The following ZNF729 variants were observed in gnomAD, a reference collection of about 807,000 sequenced individuals.
The protein encoded by ZNF729 is zinc finger protein 729.
A neutral mutation model predicts 12.2 loss-of-function variants in ZNF729; 15 were observed. That is an observed-to-expected ratio of 1.23 (90% CI 0.82 to 1.89). The LOEUF (loss-of-function observed/expected upper bound fraction) is 1.89. Among genes scored for constraint, ZNF729 ranks in the 40% most tolerant of loss-of-function variants. The probability of loss-of-function intolerance (pLI) is 0.00; values close to 1 mark genes in which losing one functional copy is unlikely to be tolerated. For synonymous variants in ZNF729, 492 were observed against 476.3 expected, an observed-to-expected ratio of 1.03 and a Z score of -0.43; for missense variants, 1,540 against 1,456.7, an observed-to-expected ratio of 1.06 and a Z score of -0.93.
intron 1 of ZNF729, among the ~76,000 whole-genome samples, chr19:22,293,964 A>G (rs1485888769): frequency 2.6e-5 from 4 of 152,160 alleles, no homozygotes; most frequent in African/African-American, 9.7e-5. Context: ...TGAAGAAGAT[A>G]TTTAGTTTAA....
Position 22,316,995 on chromosome 19 carries a change from G to A in ZNF729, c.3578G>A (p.Cys1193Tyr). ...GAGAAACCCTACAAATGTGAAGAATGTGGCAAAGCTTTTATTCAGTGCTCA... is the reference window on the plus strand; with the variant it reads ...GAGAAACCCTACAAATGTGAAGAATATGGCAAAGCTTTTATTCAGTGCTCA... ...TGEKPYKCEE[C>Y]GKAFIQCSYL... Residue 1193 changes from cysteine (C) to tyrosine (Y), a missense_variant, in exon 4 of 4, where the codon TGT becomes TAT. Transcript: ENST00000601693. The A allele has an allele frequency of 6.2e-7, 1 of 1,612,562 alleles. No homozygotes were observed. Among genetic ancestry groups the A allele is most frequent in the Non-Finnish European group, 8.5e-7 (1 of 1,179,988 alleles).
In ZNF729 at chr19:22,286,505, A is replaced by T; in HGVS notation, c.-21A>T. On this transcript the variant is annotated 5_prime_UTR_variant, in exon 1 of 4. Transcript: ENST00000601693. ...CCTCTGTGGCCCTGTAACCTGCGGC[A>T]TTGGAAGATCCACAGCTAACATGCC... 1.2e-6 allele frequency: 2 copies of T among 1,612,806 alleles called. No homozygotes were observed. The highest frequency in any genetic ancestry group is 8.5e-7 in the Non-Finnish European group (1 of 1,179,832).
At chr19:22,303,536 C>T (rs545263203) in intron 1 of ZNF729, among the ~76,000 whole-genome samples, 4 of 151,466 alleles carry the variant, frequency 2.6e-5, no homozygotes, top group African/African-American at 9.7e-5. Context: ...GGTATCTTAT[C>T]TACACTGGTG....
chr19:22,306,779 AT>A (rs1318155164), intron 3 of ZNF729, among the ~76,000 whole-genome samples: 1 of 151,300 alleles, frequency 6.6e-6, no homozygotes, highest in Admixed American at 6.6e-5. Context: ...ATTTATGCAG[AT>A]TTACATTTTG....
intron 1 of ZNF729, 26 bp downstream of exon 1, chr19:22,286,581 G>C (rs781176863): frequency 6.2e-7 from 1 of 1,613,930 alleles, no homozygotes. Flanking sequence ...CCGACATCCC[G>C]AGAAGGGGAA....
Position 22,314,859 on chromosome 19 carries a change from T to G in ZNF729, c.1442T>G (p.Ile481Ser). The G allele has an allele frequency of 6.2e-7, 1 of 1,613,406 alleles. No individual in the cohort carries two copies. Among genetic ancestry groups the G allele is most frequent in the Non-Finnish European group, 8.5e-7 (1 of 1,179,818 alleles). The change falls in exon 4 of 4, where the codon ATT becomes AGT. Residue 481 changes from isoleucine (I) to serine (S), a missense_variant. By Grantham distance (142) the Ile-to-Ser change is moderately radical. Transcript: ENST00000601693. ...QSSHLTRHKA[I>S]HTGEKPYKCE... ...TCACACCTTACTAGACATAAAGCAA[T>G]TCATACTGGAGAGAAACCCTACAAA...
intron 1 of ZNF729, among the ~76,000 whole-genome samples, chr19:22,302,353 A>G (rs1286691288): frequency 6.6e-6 from 1 of 152,312 alleles, no homozygotes; most frequent in African/African-American, 2.4e-5. Context: ...ACGTCATCAT[A>G]TCATTGGTAC....
Position 22,316,687 on chromosome 19 carries a change from C to T in ZNF729, c.3270C>T (p.Ala1090=). Residue 1090 remains alanine (A), a synonymous_variant, in exon 4 of 4, where the codon GCC becomes GCT. Coordinates refer to ENST00000601693, the MANE Select transcript of ZNF729 (RefSeq NM_001242680.2). ...ECDKAFKHFS[A]LRKHKVIHTG... ...ACAAAGCTTTTAAGCATTTCTCAGC[C>T]CTTAGAAAACATAAGGTAATTCATA... 1 of 1,612,452 alleles carries T rather than the reference C, an allele frequency of 6.2e-7. No individual in the cohort carries two copies. Among genetic ancestry groups the T allele is most frequent in the Non-Finnish European group, 8.5e-7 (1 of 1,179,756 alleles).
rs910054024 is a variant in ZNF729 at position 22,306,942 on chromosome 19, TTTC to T, written c.253+2162_253+2164del. Among the ~76,000 whole-genome samples, 40 of 151,542 alleles carry T rather than the reference TTTC, an allele frequency of 2.6e-4. 1 individual carries two copies. Among genetic ancestry groups the T allele is most frequent in the African/African-American group, 9.0e-4 (37 of 41,120 alleles). ...TCAACATGAAAGACTCATTTTAGCA[TTTC>T]TTTTTTTATATGTGTCTGTATATTT... is the stretch of plus-strand genomic sequence containing the variant. On this transcript the variant is annotated intron_variant, in intron 3 of 3. Coordinates refer to ENST00000601693, the MANE Select transcript of ZNF729 (RefSeq NM_001242680.2).
intron 1 of ZNF729, among the ~76,000 whole-genome samples, chr19:22,287,082 A>T (rs1028937046): frequency 5.3e-5 from 8 of 152,166 alleles, no homozygotes; most frequent in African/African-American, 1.9e-4. Context: ...TAAGGTGCAC[A>T]ATGAAGAAAA....
chr19:22,314,577 G>C lies in ZNF729; in HGVS notation c.1160G>C (p.Trp387Ser), dbSNP rs771169314. 10 of 1,601,656 alleles carry C rather than the reference G, an allele frequency of 6.2e-6. No individual in the cohort carries two copies. The Admixed American group carries it at 1.7e-4, about 27-fold the overall frequency. ...KCEECGKAFKWSSKLTVHKVV... is the reference protein window; with the variant it reads ...KCEECGKAFKSSSKLTVHKVV... ...GAAGAATGTGGTAAAGCTTTTAAGTGGTCTTCAAAACTTACTGTACATAAG... is the reference window on the plus strand; with the variant it reads ...GAAGAATGTGGTAAAGCTTTTAAGTCGTCTTCAAAACTTACTGTACATAAG... Residue 387 changes from tryptophan (W) to serine (S), a missense_variant, in exon 4 of 4, where the codon TGG becomes TCG. By Grantham distance (177) the Trp-to-Ser change is radical (BLOSUM62 -3). Coordinates refer to ENST00000601693, the MANE Select transcript of ZNF729 (RefSeq NM_001242680.2).
chr19:22,304,529 C>T (rs1968355555), intron 2 of ZNF729, among the ~76,000 whole-genome samples, 159 bp from the exon 3 acceptor site: 1 of 151,922 alleles, frequency 6.6e-6, no homozygotes, highest in Non-Finnish European at 1.5e-5. Flanking sequence ...AATTAAGGGC[C>T]TGTACAAATT....
At chr19:22,306,326 C>G (rs1968376614) in intron 3 of ZNF729, among the ~76,000 whole-genome samples, 1 of 151,510 alleles carries the variant, frequency 6.6e-6, no homozygotes, top group Middle Eastern at 3.2e-3. Context: ...GTAGCCCCAG[C>G]TACTCAGGAG....
chr19:22,313,792 T>C lies in ZNF729; in HGVS notation c.375T>C (p.Asp125=). 1 of 1,598,234 alleles carries C rather than the reference T, an allele frequency of 6.3e-7. No homozygotes were observed. Among genetic ancestry groups the C allele is most frequent in the Non-Finnish European group, 8.5e-7 (1 of 1,173,458 alleles). The change falls in exon 4 of 4, where the codon GAT becomes GAC. Residue 125 remains aspartate (D), a synonymous_variant. Transcript: ENST00000601693. ...CGHKNLRLRK[D]CKSANEGKMH... ...ATAAGAATTTACGATTAAGAAAAGA[T>C]TGTAAAAGTGCCAATGAGGGTAAGA...
At chr19:22,300,298 G>A (rs191703033) in intron 1 of ZNF729, among the ~76,000 whole-genome samples, 77 of 152,240 alleles carry the variant, frequency 5.1e-4, no homozygotes, top group Non-Finnish European at 6.5e-4. Context: ...AACTAATTAC[G>A]GTTACTGTCT....
chr19:22,316,446 A>G lies in ZNF729; in HGVS notation c.3029A>G (p.His1010Arg), dbSNP rs758742279. The change falls in exon 4 of 4, where the codon CAT (histidine) becomes CGT (arginine). Residue 1010 changes from histidine (H) to arginine (R), a missense_variant. His to Arg is a conservative substitution (Grantham distance 29, BLOSUM62 0). Coordinates refer to ENST00000601693, the MANE Select transcript of ZNF729 (RefSeq NM_001242680.2). ...DFNNSSTLKK[H>R]KLIHTREKLY... Reference sequence around the variant, plus strand: ...AACAATTCCTCAACCCTTAAGAAACATAAGCTAATTCATACTAGGGAGAAA... The same window carrying G: ...AACAATTCCTCAACCCTTAAGAAACGTAAGCTAATTCATACTAGGGAGAAA... 6.2e-6 allele frequency: 10 copies of G among 1,613,574 alleles called. No individual in the cohort carries two copies. The Admixed American group carries it at 6.7e-5, about 11-fold the overall frequency.
chr19:22,304,584 AT>A, intron 2 of ZNF729, 103 bp from the exon 3 acceptor site: 2 of 998,102 alleles, frequency 2.0e-6, no homozygotes, highest in Non-Finnish European at 2.9e-6. Context: ...ATAAATTAGT[AT>A]TGGGGGATCA....
chr19:22,302,132 A>G (rs182613372), intron 1 of ZNF729, among the ~76,000 whole-genome samples: 19 of 152,426 alleles, frequency 1.2e-4, no homozygotes, highest in Non-Finnish European at 2.9e-5. Context: ...CTCCCCTCAT[A>G]CAAGAGATAC....
intron 1 of ZNF729, among the ~76,000 whole-genome samples, chr19:22,287,684 T>TC (rs1555783030): frequency 2.0e-5 from 3 of 151,266 alleles, no homozygotes; most frequent in South Asian, 2.1e-4. Context: ...TTTTTTTTTT[T>TC]CCCTTGCATT....
Sources: allele counts gnomAD v4.1 joint callset (sites outside exome capture counted in the v4.1 genomes callset), GRCh38; gene constraint gnomAD v4.1.1; transcripts MANE v1.5; gene names NCBI Gene and HGNC (gene_info 2026-07-23, HGNC 2026-07-21).